The following ZFAND3 variants were observed in gnomAD, a reference collection of about 807,000 sequenced individuals.
ZFAND3 encodes the protein AN1-type zinc finger protein 3.
Under a neutral mutation model 29.6 loss-of-function variants are expected in ZFAND3, and 10 were observed. That is an observed-to-expected ratio of 0.34 (90% confidence interval 0.21 to 0.57). The LOEUF is 0.57. ZFAND3 is among the 20% of genes least tolerant of loss of function. The pLI, the probability that ZFAND3 is intolerant of heterozygous loss-of-function variation, is 0.86. For synonymous variants in ZFAND3, 128 were observed against 112.6 expected, an observed-to-expected ratio of 1.14 and a Z score of -0.87; for missense variants, 230 against 304.5, an observed-to-expected ratio of 0.76 and a Z score of 1.82.
At chr6:37,854,054 C>T (rs184799984) in intron 1 of ZFAND3, among the ~76,000 whole-genome samples, 10 of 152,198 alleles carry the variant, frequency 6.6e-5, no homozygotes, top group East Asian at 1.9e-4. Context: ...TGGGTTCAAG[C>T]GATTCTCCTG....
At chr6:37,832,030 TG>T (rs1561903693) in intron 1 of ZFAND3, among the ~76,000 whole-genome samples, 1 of 152,198 alleles carries the variant, frequency 6.6e-6, no homozygotes, top group East Asian at 1.9e-4. Context: ...TAAACCTTTT[TG>T]GACCATGGAT....
intron 1 of ZFAND3, among the ~76,000 whole-genome samples, chr6:37,872,296 A>T (rs1408580999): frequency 6.6e-6 from 1 of 152,210 alleles, no homozygotes; most frequent in Non-Finnish European, 1.5e-5. Flanking sequence ...ATTGCTGTTC[A>T]GCGCCTTCAG....
intron 1 of ZFAND3, among the ~76,000 whole-genome samples, chr6:37,840,605 T>A (rs1333683115): frequency 6.6e-6 from 1 of 152,246 alleles, no homozygotes; most frequent in Non-Finnish European, 1.5e-5. Context: ...CTTGTCAGCT[T>A]CTGCAAAAAA....
chr6:38,133,215 G>A (rs1422674200), intron 5 of ZFAND3, among the ~76,000 whole-genome samples: 1 of 152,186 alleles, frequency 6.6e-6, no homozygotes, highest in Non-Finnish European at 1.5e-5. Context: ...GAAATTGTCT[G>A]TTTACATGTC....
rs146646529 is a variant in ZFAND3 at position 37,881,973 on chromosome 6, G to A, written c.72-47986G>A. Among the ~76,000 whole-genome samples, 254 of 152,214 alleles carry A rather than the reference G, an allele frequency of 1.7e-3. 1 individual carries two copies. Among genetic ancestry groups the A allele is most frequent in the African/African-American group, 5.5e-3 (229 of 41,528 alleles). ...TGGTGCAGAGCTCAGCATGTCGTCT[G>A]TGTCATGACAATTTTGTTCTTTTCA... On this transcript the variant is annotated intron_variant, in intron 1 of 5. Transcript: ENST00000287218.
intron 2 of ZFAND3, among the ~76,000 whole-genome samples, chr6:38,042,847 A>G (rs1763818337): frequency 6.6e-6 from 1 of 152,190 alleles, no homozygotes; most frequent in Non-Finnish European, 1.5e-5. Flanking sequence ...TACTTGAGAA[A>G]GTCATAGATT....
At chr6:38,142,305 CT>C (rs2127495656) in intron 5 of ZFAND3, 2 of 471,562 alleles carry the variant, frequency 4.2e-6, no homozygotes, top group Non-Finnish European at 8.8e-6. Context: ...CTGATGCCCC[CT>C]GACCACGTTG....
intron 2 of ZFAND3, among the ~76,000 whole-genome samples, chr6:37,946,265 C>T (rs1315495096): frequency 6.6e-6 from 1 of 152,028 alleles, no homozygotes. Context: ...TGAATGGAGG[C>T]TATTTCACTT....
At chr6:37,925,802 G>T (rs1761474528) in intron 1 of ZFAND3, among the ~76,000 whole-genome samples, 1 of 152,052 alleles carries the variant, frequency 6.6e-6, no homozygotes, top group African/African-American at 2.4e-5. Flanking sequence ...AGGCAAATTT[G>T]TGGGAAATAC....
chr6:37,884,125 T>A (rs1764946821), intron 1 of ZFAND3, among the ~76,000 whole-genome samples: 1 of 145,140 alleles, frequency 6.9e-6, no homozygotes, highest in Non-Finnish European at 1.5e-5. Context: ...GTTTTGATAT[T>A]GTTTGAGTCT....
intron 3 of ZFAND3, among the ~76,000 whole-genome samples, chr6:38,080,147 A>G (rs968860104): frequency 6.6e-5 from 10 of 151,636 alleles, no homozygotes; most frequent in African/African-American, 2.4e-5. Flanking sequence ...CACACACCAG[A>G]GCCTGTCGGA....
At chr6:37,985,499 C>CCACA (rs5875607) in intron 2 of ZFAND3, among the ~76,000 whole-genome samples, 41,648 of 141,476 alleles carry the variant, frequency 0.29, 6,063 homozygotes, top group East Asian at 0.48. Context: ...GCTTGTGGTT[C>CCACA]CACACACACA....
intron 2 of ZFAND3, among the ~76,000 whole-genome samples, chr6:37,934,506 T>C (rs1453762502): frequency 2.7e-5 from 4 of 148,078 alleles, no homozygotes; most frequent in Admixed American, 6.8e-5. Context: ...ACATTCTCTT[T>C]ATCTGAGGTC....
chr6:38,152,821 AC>A lies in ZFAND3; in HGVS notation c.*434del. On this transcript the variant is annotated 3_prime_UTR_variant, in exon 6 of 6. Transcript: ENST00000287218. The stretch of plus-strand genomic sequence containing the variant: ...AACTCTGTTTAATGATCGGCCTTTC[AC>A]CTCTTCACTTATCCTTAGTCCCAGT... 1.0e-6 allele frequency: 1 copy of A among 986,536 alleles called. No individual in the cohort carries two copies. The highest frequency in any genetic ancestry group is 1.2e-6 in the Non-Finnish European group (1 of 830,556). 61.1% of individuals were successfully genotyped at this position (986,536 alleles called of 1,614,324 possible).
At chr6:38,025,437 A>G (rs1314830793) in intron 2 of ZFAND3, among the ~76,000 whole-genome samples, 2 of 152,164 alleles carry the variant, frequency 1.3e-5, no homozygotes, top group Non-Finnish European at 2.9e-5. Context: ...ATTTCTCTGA[A>G]TTTTTATTTT....
chr6:37,841,476 T>TTTTTG (rs965804785), intron 1 of ZFAND3, among the ~76,000 whole-genome samples: 7 of 152,044 alleles, frequency 4.6e-5, no homozygotes, highest in Non-Finnish European at 7.4e-5. Context: ...TGTTTTTAAG[T>TTTTTG]TTTTGTTTTG....
intron 3 of ZFAND3, among the ~76,000 whole-genome samples, chr6:38,072,691 C>T (rs545437182): frequency 6.6e-6 from 1 of 152,158 alleles, no homozygotes; most frequent in South Asian, 2.1e-4. Context: ...TTGAAGCAGC[C>T]ATTTTAAGCT....
intron 5 of ZFAND3, among the ~76,000 whole-genome samples, chr6:38,122,359 G>GA (rs1332608661): frequency 1.3e-5 from 2 of 152,172 alleles, no homozygotes; most frequent in East Asian, 1.9e-4. Flanking sequence ...ATGACAAAAA[G>GA]AAAAAACCTG....
intron 4 of ZFAND3, among the ~76,000 whole-genome samples, chr6:38,105,231 T>C (rs1016562016): frequency 9.9e-5 from 15 of 152,190 alleles, no homozygotes; most frequent in Non-Finnish European, 1.5e-5. Flanking sequence ...CCTTCCATGA[T>C]AAGTGGCCTT....
Sources: gnomAD v4.1 joint callset for allele counts (sites outside exome capture counted in the v4.1 genomes callset) on GRCh38, gnomAD v4.1.1 for gene constraint, MANE v1.5 for transcripts, NCBI Gene and HGNC (gene_info 2026-07-23, HGNC 2026-07-21) for gene names.